The following ACACB variants were observed in gnomAD, a reference collection of about 807,000 sequenced individuals.
The protein encoded by ACACB is acetyl-CoA carboxylase beta, also known as acetyl-CoA carboxylase 2.
In ACACB, 209 loss-of-function variants were observed where a neutral mutation model predicts 278.8. That is an observed-to-expected ratio of 0.75 (90% CI 0.67 to 0.84). The LOEUF (loss-of-function observed/expected upper bound fraction) is 0.84, where lower values mean the gene tolerates loss of function less well. Ranked by LOEUF, ACACB falls within the 40% of genes least tolerant of loss-of-function variation. ACACB has a pLI of 0.00. For synonymous variants in ACACB, 1,174 were observed against 1,285.6 expected (o/e 0.91, Z 1.86); for missense variants, 2,850 against 3,269.0 (o/e 0.87, Z 3.13).
chr12:109,262,950 T>TTATATATATATATATATATATATA lies in ACACB; in HGVS notation c.6787+491_6787+514dup, dbSNP rs58002068. On this transcript the variant is annotated intron_variant, in intron 49 of 52. Coordinates refer to ENST00000338432, the MANE Select transcript of ACACB (RefSeq NM_001093.4). ...CATTTCTAAATCAACCTTTTTAACA[T>TTATATATATATATATATATATATA]TATATATATATATATATATATATAT... The TTATATATATATATATATATATATA allele has an allele frequency of 1.2e-3, 73 of 62,482 alleles. 5 individuals are homozygous for TTATATATATATATATATATATATA. Among genetic ancestry groups the TTATATATATATATATATATATATA allele is most frequent in the Non-Finnish European group, 1.8e-3 (47 of 25,644 alleles). 3.9% of individuals were successfully genotyped at this position (62,482 alleles called of 1,614,324 possible).
intron 37 of ACACB, 118 bp downstream of exon 37, chr12:109,242,710 A>C: frequency 7.7e-7 from 1 of 1,290,674 alleles, no homozygotes; most frequent in Non-Finnish European, 1.1e-6. Context: ...AGGTCTTGCC[A>C]GGTGCGGTGG....
chr12:109,114,274 C>T (rs575907815), upstream of ACACB, among the ~76,000 whole-genome samples: 72 of 152,208 alleles, frequency 4.7e-4, no homozygotes, highest in African/African-American at 1.5e-3. Context: ...AATTTATGTT[C>T]TCTGCTTGTT....
chr12:109,115,938 C>T (rs1239380367), upstream of ACACB, among the ~76,000 whole-genome samples: 1 of 152,228 alleles, frequency 6.6e-6, no homozygotes, highest in Non-Finnish European at 1.5e-5. Context: ...TTTCCTGCTG[C>T]CTAGTTGGCT....
At chr12:109,202,103 C>A (rs2045353489) in intron 19 of ACACB, among the ~76,000 whole-genome samples, 1 of 152,182 alleles carries the variant, frequency 6.6e-6, no homozygotes, top group Non-Finnish European at 1.5e-5. Flanking sequence ...AGGGATCACT[C>A]TCAACTCCTG....
intron 40 of ACACB, among the ~76,000 whole-genome samples, chr12:109,248,742 C>G (rs1203431801): frequency 1.3e-5 from 2 of 152,208 alleles, no homozygotes; most frequent in African/African-American, 4.8e-5. Flanking sequence ...AAATGTTAAT[C>G]TCCTCTAGCA....
intron 1 of ACACB, among the ~76,000 whole-genome samples, chr12:109,122,354 T>C: frequency 6.6e-6 from 1 of 152,176 alleles, no homozygotes; most frequent in Non-Finnish European, 1.5e-5. Context: ...TTCATGCCTG[T>C]AATCCCAGTG....
rs765824239 is a variant in ACACB at position 109,139,415 on chromosome 12, C to T, written c.10C>T (p.Leu4Phe). 5 of 1,612,126 alleles carry T rather than the reference C, an allele frequency of 3.1e-6. No individual in the cohort carries two copies. The highest frequency in any genetic ancestry group is 4.2e-6 in the Non-Finnish European group (5 of 1,178,994). Residue 4 changes from leucine to phenylalanine, a missense_variant, in exon 2 of 53, where the codon CTT (leucine) becomes TTT (phenylalanine). Coordinates refer to ENST00000338432, the MANE Select transcript of ACACB (RefSeq NM_001093.4). Reference protein sequence around the residue: MVLLLCLSCLIFSC... With the variant: MVLFLCLSCLIFSC... ...CTTACAGATTTTCTGAATGGTCTTGCTTCTTTGTCTATCTTGTCTGATTTT... is the reference window on the plus strand; with the variant it reads ...CTTACAGATTTTCTGAATGGTCTTGTTTCTTTGTCTATCTTGTCTGATTTT...
intron 1 of ACACB, among the ~76,000 whole-genome samples, chr12:109,126,469 G>A (rs2042682185): frequency 6.6e-6 from 1 of 152,072 alleles, no homozygotes; most frequent in Non-Finnish European, 1.5e-5. Context: ...GATTGCTTGA[G>A]GACAGGAGTT....
rs773362975 is a variant in ACACB, at chr12:109,265,137, A to G, written c.6970A>G (p.Thr2324Ala). Residue 2324 changes from threonine (T) to alanine (A), a missense_variant, in exon 51 of 53, where the codon ACC becomes GCC. By Grantham distance (58) the Thr-to-Ala change is moderately conservative. Coordinates refer to ENST00000338432, the MANE Select transcript of ACACB (RefSeq NM_001093.4). Reference protein sequence around the residue: ...SDILEWKTARTFLYWRLRRLL... With the variant: ...SDILEWKTARAFLYWRLRRLL... The stretch of plus-strand genomic sequence containing the variant: ...CATCCTGGAGTGGAAGACCGCACGC[A>G]CCTTCCTGTATTGGCGTCTGCGCCG... 3 of 1,612,826 alleles carry G rather than the reference A, an allele frequency of 1.9e-6. No homozygotes were observed. The East Asian group carries it at 6.7e-5, about 36-fold the overall frequency.
At chr12:109,193,197 G>A (rs1388553059) in intron 15 of ACACB, among the ~76,000 whole-genome samples, 1 of 147,018 alleles carries the variant, frequency 6.8e-6, no homozygotes, top group Non-Finnish European at 1.5e-5. Context: ...TTCTGTGCGT[G>A]ACTTTTAATC....
rs748168730 is a variant in ACACB, at chr12:109,247,712, C to CT, written c.5669+11dup. 6.2e-7 allele frequency: 1 copy of CT among 1,600,838 alleles called. No individual in the cohort carries two copies. The highest frequency in any genetic ancestry group is 1.3e-5 in the African/African-American group (1 of 74,720). On this transcript the variant is annotated intron_variant, in intron 40 of 52. Transcript: ENST00000338432. The stretch of plus-strand genomic sequence containing the variant: ...GAAGGAGGAGAGTCCAGGTAAATAA[C>CT]TTATCAGGTAGCTCCTTAATTTTGC...
At chr12:109,180,116 C>T in intron 11 of ACACB, 29 bp downstream of exon 11, 1 of 1,602,060 alleles carries the variant, frequency 6.2e-7, no homozygotes, top group Non-Finnish European at 8.5e-7. Context: ...GGCCCTGGGA[C>T]TTCTCTGCCC....
chr12:109,237,250 C>T lies in ACACB; in HGVS notation c.4532C>T (p.Thr1511Ile). The change falls in exon 34 of 53, where the codon ACC (threonine) becomes ATC (isoleucine). Residue 1511 changes from threonine to isoleucine, a missense_variant. Thr to Ile is a moderately conservative substitution (Grantham distance 89). This residue lies in a region of ACACB where 2,265 missense variants were observed against 2,561.3 expected (regional missense o/e 0.88). Coordinates refer to ENST00000338432, the MANE Select transcript of ACACB (RefSeq NM_001093.4). ...AACCGGATGCGTAACTTCGATCTGA[C>T]CGCCGTGCCCTGTGCCAACCACAAG... ...ELNRMRNFDL[T>I]AVPCANHKMH... is the part of the protein sequence containing the mutation. The T allele has an allele frequency of 6.2e-7, 1 of 1,614,196 alleles. No individual in the cohort carries two copies. Among genetic ancestry groups the T allele is most frequent in the Middle Eastern group, 1.6e-4 (1 of 6,062 alleles).
chr12:109,259,031 C>A lies in ACACB; in HGVS notation c.6419C>A (p.Ala2140Asp). Residue 2140 changes from alanine (A) to aspartate (D), a missense_variant, in exon 47 of 53, where the codon GCC becomes GAC. Ala to Asp is a moderately radical substitution (Grantham distance 126, BLOSUM62 -2). Coordinates refer to ENST00000338432, the MANE Select transcript of ACACB (RefSeq NM_001093.4). ...GACTCAGCCTACAAAACCGCCCAGG[C>A]CGTCAAGGACTTCAACCGGGAGAAG... ...FPDSAYKTAQAVKDFNREKLP... is the reference protein window; with the variant it reads ...FPDSAYKTAQDVKDFNREKLP... 1 of 1,614,160 alleles carries A rather than the reference C, an allele frequency of 6.2e-7. No individual in the cohort carries two copies. The highest frequency in any genetic ancestry group is 1.1e-5 in the South Asian group (1 of 91,076).
intron 21 of ACACB, 45 bp downstream of exon 21, chr12:109,209,398 C>T (rs1341430224): frequency 6.4e-7 from 1 of 1,559,670 alleles, no homozygotes; most frequent in Non-Finnish European, 8.7e-7. Flanking sequence ...GATGGTCACA[C>T]TGGGCCGGCT....
At chr12:109,221,894 T>TG (rs1555225730) in intron 24 of ACACB, among the ~76,000 whole-genome samples, 14 of 128,308 alleles carry the variant, frequency 1.1e-4, no homozygotes, top group Admixed American at 4.5e-4. Flanking sequence ...TTTTTTTTTT[T>TG]GGGGGGGAGA....
In ACACB at chr12:109,239,873, T is replaced by C. The variant is rs747173827; in HGVS notation, c.4706T>C (p.Leu1569Pro). 1.2e-6 allele frequency: 2 copies of C among 1,614,112 alleles called. No individual in the cohort carries two copies. Among genetic ancestry groups the C allele is most frequent in the Non-Finnish European group, 1.7e-6 (2 of 1,180,020 alleles). Residue 1569 changes from leucine to proline, a missense_variant, in exon 35 of 53, where the codon CTC becomes CCC. Coordinates refer to ENST00000338432, the MANE Select transcript of ACACB (RefSeq NM_001093.4). ...CTGCAGAACGAGGGTGAGCGGCTGCTCCTGGAGGCCATGGACGAGCTGGAG... is the reference window on the plus strand; with the variant it reads ...CTGCAGAACGAGGGTGAGCGGCTGCCCCTGGAGGCCATGGACGAGCTGGAG... The part of the protein sequence containing the change: ...EYLQNEGERL[L>P]LEAMDELEVA...
At chr12:109,191,544 C>A in intron 13 of ACACB, 69 bp from the exon 14 acceptor site, 1 of 1,584,662 alleles carries the variant, frequency 6.3e-7, no homozygotes, top group South Asian at 1.2e-5. Context: ...CTCTGAATCA[C>A]ATCATTGCAG....
At chr12:109,222,970 G>A (rs1175874493) in intron 26 of ACACB, 58 bp downstream of exon 26, 8 of 1,390,006 alleles carry the variant, frequency 5.8e-6, no homozygotes, top group Non-Finnish European at 8.0e-6. Flanking sequence ...CCCAGGTGGG[G>A]GCCTCTGGGG....
Sources: gnomAD v4.1 joint callset for allele counts (sites outside exome capture counted in the v4.1 genomes callset) on GRCh38, gnomAD v4.1.1 for gene constraint, gnomAD v4.1.1 regional missense constraint, MANE v1.5 for transcripts, NCBI Gene and HGNC (gene_info 2026-07-23, HGNC 2026-07-21) for gene names.